TOMM70: variants seen among roughly 807,000 people sequenced by gnomAD.
TOMM70 encodes the protein mitochondrial import receptor subunit TOM70.
In TOMM70, 13 loss-of-function variants were observed where a neutral mutation model predicts 73.6. The observed-to-expected ratio is 0.18, with a 90% CI of 0.11 to 0.28. The LOEUF is 0.28. TOMM70 is among the 10% of genes least tolerant of loss of function. TOMM70 has a pLI of 1.00. For missense variants in TOMM70, 609 were observed against 747.5 expected (o/e 0.81, Z 2.16); for synonymous variants, 257 against 271.2 (o/e 0.95, Z 0.51).
Position 100,375,135 on chromosome 3 carries a change from G to A in TOMM70, c.1110C>T (p.Leu370=), listed in dbSNP as rs745545730. The change falls in exon 7 of 12, where the codon CTC becomes CTT. Residue 370 remains leucine (L), a synonymous_variant. Coordinates refer to ENST00000284320, the MANE Select transcript of TOMM70 (RefSeq NM_014820.5). ...GCATGTACATGCTGCCTCTTTTGAT[G>A]AGAGCATTTGCTCGAAGCTATATAC... ...EANVKLRANA[L]IKRGSMYMQQ... The A allele has an allele frequency of 2.5e-6, 4 of 1,602,798 alleles. No homozygotes were observed. Among genetic ancestry groups the A allele is most frequent in the East Asian group, 4.5e-5 (2 of 44,188 alleles).
chr3:100,371,355 C>T (rs1223592793), intron 9 of TOMM70, among the ~76,000 whole-genome samples: 1 of 149,024 alleles, frequency 6.7e-6, no homozygotes, highest in African/African-American at 2.5e-5. Flanking sequence ...ACCTCCGCCT[C>T]CTGGGTTCAA....
At chr3:100,373,463 A>G (rs1706532191) in intron 8 of TOMM70, 75 bp downstream of exon 8, 1 of 1,217,970 alleles carries the variant, frequency 8.2e-7, no homozygotes, top group African/African-American at 1.5e-5. Context: ...TTTGTAGACA[A>G]TGAGATACTC....
At chr3:100,395,087 C>T (rs72941473) in intron 1 of TOMM70, among the ~76,000 whole-genome samples, 16,085 of 152,078 alleles carry the variant, frequency 0.11, 1,246 homozygotes, top group African/African-American at 0.21. Context: ...TTAAGATTTA[C>T]GGCCAGGCGC....
chr3:100,381,694 T>C lies in TOMM70; in HGVS notation c.805A>G (p.Ile269Val). The C allele has an allele frequency of 6.2e-7, 1 of 1,612,924 alleles. No individual in the cohort carries two copies. Among genetic ancestry groups the C allele is most frequent in the Non-Finnish European group, 8.5e-7 (1 of 1,179,342 alleles). ...SYFSSFTDDI[I>V]SQPMLKGEKS... ...TCTCCTTTAAGCATGGGCTGGGAAA[T>C]GATATCATCCGTGAAAGAACTGAAG... The change falls in exon 5 of 12, where the codon ATT (isoleucine) becomes GTT (valine). Residue 269 changes from isoleucine (I) to valine (V), a missense_variant. Transcript: ENST00000284320.
At chr3:100,400,128 TGTTTTG>T (rs1706875483) in intron 1 of TOMM70, among the ~76,000 whole-genome samples, 1 of 152,214 alleles carries the variant, frequency 6.6e-6, no homozygotes, top group South Asian at 2.1e-4. Context: ...TTTTTGTTTT[TGTTTTG>T]CTTTTGTCAA....
At chr3:100,390,991 A>G (rs533665699) in intron 1 of TOMM70, among the ~76,000 whole-genome samples, 1 of 151,676 alleles carries the variant, frequency 6.6e-6, no homozygotes. Context: ...TACAAAAAAA[A>G]TTAGCCAGGT....
chr3:100,387,609 C>G (rs913121323), intron 1 of TOMM70, among the ~76,000 whole-genome samples: 28 of 141,396 alleles, frequency 2.0e-4, no homozygotes, highest in East Asian at 1.2e-3. Flanking sequence ...GACACACACA[C>G]ACACACACAC....
At chr3:100,381,815 A>G (rs751128589) in intron 4 of TOMM70, 52 bp from the exon 5 acceptor site, 8 of 1,519,222 alleles carry the variant, frequency 5.3e-6, no homozygotes, top group Middle Eastern at 1.8e-4. Context: ...CCAACCAAAG[A>G]AGCAGGTACA....
Position 100,401,079 on chromosome 3 carries a change from C to G in TOMM70, c.-130G>C, listed in dbSNP as rs1706897475. ...GAGCACGCTAGGCAGAGAGAGCGGA[C>G]GACAGAAAAGGGCCAGAGGTCACCG... On this transcript the variant is annotated 5_prime_UTR_variant, in exon 1 of 12. Coordinates refer to ENST00000284320, the MANE Select transcript of TOMM70 (RefSeq NM_014820.5). 1.9e-6 allele frequency: 2 copies of G among 1,071,234 alleles called. No individual in the cohort carries two copies. The highest frequency in any genetic ancestry group is 3.3e-5 in the African/African-American group (2 of 60,490). 66.4% of individuals were successfully genotyped at this position (1,071,234 alleles called of 1,614,324 possible).
chr3:100,363,544 A>C lies in TOMM70; in HGVS notation c.*2020T>G, dbSNP rs1366722487. 6.5e-6 allele frequency: 1 copy of C among 152,672 alleles called. No individual in the cohort carries two copies. The highest frequency in any genetic ancestry group is 1.5e-5 in the Non-Finnish European group (1 of 68,048). 9.5% of individuals were successfully genotyped at this position (152,672 alleles called of 1,614,324 possible). A position where few individuals can be genotyped will look rare whatever the true frequency, so the allele number is the denominator to read the frequency against. The stretch of plus-strand genomic sequence containing the variant: ...TACAGACAGATGCAGCTTTCAGTGC[A>C]GTTTCAAACATTTTCACAACAGGCA... On this transcript the variant is annotated 3_prime_UTR_variant, in exon 12 of 12. Coordinates refer to ENST00000284320, the MANE Select transcript of TOMM70 (RefSeq NM_014820.5).
intron 10 of TOMM70, among the ~76,000 whole-genome samples, chr3:100,368,585 G>T (rs1388763880): frequency 6.6e-6 from 1 of 151,830 alleles, no homozygotes; most frequent in South Asian, 2.1e-4. Flanking sequence ...CTTTCTTTTT[G>T]TTTTTTTTGG....
intron 5 of TOMM70, among the ~76,000 whole-genome samples, chr3:100,378,168 G>A (rs1031150805): frequency 3.9e-5 from 6 of 151,954 alleles, no homozygotes; most frequent in Admixed American, 6.6e-5. Context: ...GCTTGAACCC[G>A]GGAGGTGGAG....
intron 4 of TOMM70, 119 bp downstream of exon 4, chr3:100,384,360 C>A: frequency 1.7e-6 from 1 of 604,306 alleles, no homozygotes; most frequent in South Asian, 3.1e-5. Flanking sequence ...GAAATATAAC[C>A]CAGTTCTAAT....
chr3:100,373,833 T>C (rs192781895), intron 7 of TOMM70, 188 bp from the exon 8 acceptor site: 3 of 462,648 alleles, frequency 6.5e-6, no homozygotes, highest in African/African-American at 6.1e-5. Context: ...AACATAAAAA[T>C]GGTATCCAAC....
intron 6 of TOMM70, among the ~76,000 whole-genome samples, chr3:100,375,604 C>T (rs1443127780): frequency 1.3e-5 from 2 of 152,100 alleles, no homozygotes; most frequent in Non-Finnish European, 2.9e-5. Context: ...GAAAAATATT[C>T]CATTGTACAG....
intron 1 of TOMM70, among the ~76,000 whole-genome samples, chr3:100,398,943 A>T (rs892633879): frequency 6.6e-6 from 1 of 152,172 alleles, no homozygotes; most frequent in Non-Finnish European, 1.5e-5. Context: ...TAGTTTGTTC[A>T]TTCCTACACC....
intron 5 of TOMM70, among the ~76,000 whole-genome samples, chr3:100,379,956 A>C (rs544639643): frequency 6.6e-6 from 1 of 152,302 alleles, no homozygotes; most frequent in South Asian, 2.1e-4. Flanking sequence ...AAGTTATGTC[A>C]GCCAAAAATC....
chr3:100,381,454 TATA>T (rs917636675), intron 5 of TOMM70, among the ~76,000 whole-genome samples, 158 bp downstream of exon 5: 13 of 151,996 alleles, frequency 8.6e-5, no homozygotes, highest in East Asian at 1.9e-4. Context: ...AAAGTGTTTT[TATA>T]ATAATAATAT....
chr3:100,396,621 T>C, intron 1 of TOMM70, among the ~76,000 whole-genome samples: 1 of 152,180 alleles, frequency 6.6e-6, no homozygotes, highest in East Asian at 1.9e-4. Flanking sequence ...GCACTATGGA[T>C]AATATGATCT....
Sources: allele counts gnomAD v4.1 joint callset (sites outside exome capture counted in the v4.1 genomes callset), GRCh38; gene constraint gnomAD v4.1.1; transcripts MANE v1.5; gene names NCBI Gene and HGNC (gene_info 2026-07-23, HGNC 2026-07-21).